ATP8A2: variants seen among roughly 807,000 people sequenced by gnomAD.
ATP8A2 encodes the protein ATPase phospholipid transporting 8A2.
In ATP8A2, 100 loss-of-function variants were observed where a neutral mutation model predicts 165.6. The ratio of observed to expected loss-of-function variants is 0.60; its 90% CI spans 0.51 to 0.71. ATP8A2 has a LOEUF of 0.71. Ranked by LOEUF, ATP8A2 falls within the 30% of genes least tolerant of loss-of-function variation. ATP8A2 has a pLI of 0.00. For missense variants in ATP8A2, 1,227 were observed against 1,479.5 expected, an observed-to-expected ratio of 0.83 and a Z score of 2.80; for synonymous variants, 543 against 548.8, an observed-to-expected ratio of 0.99 and a Z score of 0.15.
chr13:25,892,369 G>T (rs1953391901), intron 33 of ATP8A2, among the ~76,000 whole-genome samples: 1 of 152,112 alleles, frequency 6.6e-6, no homozygotes, highest in Non-Finnish European at 1.5e-5. Context: ...TTAGTTATGA[G>T]ACATTCAATT....
intron 2 of ATP8A2, among the ~76,000 whole-genome samples, chr13:25,481,919 A>G (rs570689608): frequency 3.2e-4 from 49 of 152,198 alleles, no homozygotes; most frequent in African/African-American, 1.2e-3. Context: ...ATTATCTCCA[A>G]AAGGGCCCAA....
chr13:25,508,231 A>G (rs772975379), intron 2 of ATP8A2, among the ~76,000 whole-genome samples: 2 of 152,200 alleles, frequency 1.3e-5, no homozygotes, highest in Non-Finnish European at 2.9e-5. Flanking sequence ...CAGAAACAAG[A>G]CATTAGGTAG....
chr13:25,492,145 C>G (rs2036546538), intron 2 of ATP8A2, among the ~76,000 whole-genome samples: 1 of 152,164 alleles, frequency 6.6e-6, no homozygotes, highest in Non-Finnish European at 1.5e-5. Flanking sequence ...CAACCTTTGC[C>G]TCCTGGGTTC....
At chr13:25,648,617 T>A (rs958942576) in intron 24 of ATP8A2, among the ~76,000 whole-genome samples, 5 of 152,092 alleles carry the variant, frequency 3.3e-5, no homozygotes, top group Non-Finnish European at 7.4e-5. Context: ...TGAGCCTAGA[T>A]CACGTCACTG....
At chr13:25,781,430 A>T (rs569876758) in intron 27 of ATP8A2, among the ~76,000 whole-genome samples, 2 of 151,660 alleles carry the variant, frequency 1.3e-5, no homozygotes, top group South Asian at 4.2e-4. Context: ...CCTGTGAGAG[A>T]TTTTGTTTTA....
chr13:25,817,875 C>T (rs1397682750), intron 27 of ATP8A2, among the ~76,000 whole-genome samples: 2 of 151,952 alleles, frequency 1.3e-5, no homozygotes, highest in Non-Finnish European at 2.9e-5. Context: ...GAGACAGGGT[C>T]TCACTCTGTT....
At chr13:25,891,354 G>A (rs141031289) in intron 33 of ATP8A2, among the ~76,000 whole-genome samples, 5,754 of 152,178 alleles carry the variant, frequency 0.038, 238 homozygotes, top group East Asian at 0.18. Flanking sequence ...ACACAGTCTC[G>A]CTCTGTCGCC....
intron 25 of ATP8A2, among the ~76,000 whole-genome samples, chr13:25,722,732 AT>A (rs1203941273): frequency 1.3e-5 from 2 of 152,114 alleles, no homozygotes; most frequent in East Asian, 1.9e-4. Context: ...TAAAATAAGT[AT>A]TTTTTTCTAA....
At chr13:25,395,786 C>T (rs1290476554) in intron 1 of ATP8A2, among the ~76,000 whole-genome samples, 2 of 151,988 alleles carry the variant, frequency 1.3e-5, no homozygotes, top group Non-Finnish European at 2.9e-5. Flanking sequence ...ATCGCCCTGC[C>T]TCAGTCTTCA....
chr13:25,417,472 C>T (rs952221889), intron 1 of ATP8A2, among the ~76,000 whole-genome samples: 1 of 82,478 alleles, frequency 1.2e-5, no homozygotes, highest in Non-Finnish European at 2.6e-5. Context: ...ACCTGTAAGT[C>T]TATTCATTTA....
intron 33 of ATP8A2, among the ~76,000 whole-genome samples, chr13:25,897,823 G>T (rs939669203): frequency 1.3e-5 from 2 of 152,082 alleles, no homozygotes; most frequent in Non-Finnish European, 2.9e-5. Flanking sequence ...CCAGTTGATT[G>T]CATCGGTTAC....
intron 25 of ATP8A2, among the ~76,000 whole-genome samples, chr13:25,758,960 T>G (rs917267192): frequency 6.6e-6 from 1 of 151,688 alleles, no homozygotes; most frequent in Admixed American, 6.6e-5. Context: ...CCCAAGAAAT[T>G]CCACTTCCAA....
intron 6 of ATP8A2, among the ~76,000 whole-genome samples, chr13:25,537,615 G>A (rs2038328807): frequency 6.6e-6 from 1 of 152,132 alleles, no homozygotes; most frequent in Non-Finnish European, 1.5e-5. Flanking sequence ...CCAGGCTTTA[G>A]GCTGGCTCTG....
chr13:25,404,831 C>T (rs2033748894), intron 1 of ATP8A2, among the ~76,000 whole-genome samples: 1 of 151,942 alleles, frequency 6.6e-6, no homozygotes, highest in Non-Finnish European at 1.5e-5. Context: ...CATCAATGGG[C>T]ACTCGTGGGA....
chr13:25,918,534 T>C (rs1489215210), intron 33 of ATP8A2, among the ~76,000 whole-genome samples: 1 of 152,196 alleles, frequency 6.6e-6, no homozygotes, highest in Non-Finnish European at 1.5e-5. Context: ...AAGGGAACCC[T>C]TCAGTCCAAA....
At chr13:25,638,279 G>A (rs973276395) in intron 24 of ATP8A2, among the ~76,000 whole-genome samples, 6 of 152,240 alleles carry the variant, frequency 3.9e-5, no homozygotes, top group Non-Finnish European at 8.8e-5. Context: ...TGAGTTGAGA[G>A]AAGAAGGCTT....
intron 25 of ATP8A2, among the ~76,000 whole-genome samples, chr13:25,737,128 C>T (rs2043789317): frequency 2.0e-5 from 3 of 151,990 alleles, no homozygotes; most frequent in Non-Finnish European, 4.4e-5. Flanking sequence ...GAGTTCTAGG[C>T]CGTGTTTCCT....
chr13:25,901,916 G>A (rs56761584), intron 33 of ATP8A2, among the ~76,000 whole-genome samples: 1,592 of 152,298 alleles, frequency 0.01, 31 homozygotes, highest in African/African-American at 0.035. Flanking sequence ...GATGACTCAA[G>A]TACGAATATC....
chr13:25,958,300 T>TA (rs569312403), intron 33 of ATP8A2, among the ~76,000 whole-genome samples: 23,178 of 126,276 alleles, frequency 0.18, 1,862 homozygotes, highest in Non-Finnish European at 0.21. Context: ...AAGGTATAAT[T>TA]TAAAAAAAAA....
Sources: gnomAD v4.1 joint callset for allele counts (sites outside exome capture counted in the v4.1 genomes callset) on GRCh38, gnomAD v4.1.1 for gene constraint, MANE v1.5 for transcripts, NCBI Gene and HGNC (gene_info 2026-07-23, HGNC 2026-07-21) for gene names.